The following PRICKLE1 variants were observed in gnomAD, a reference collection of about 807,000 sequenced individuals.
PRICKLE1 encodes prickle-like protein 1.
Under a neutral mutation model 70.2 loss-of-function variants are expected in PRICKLE1, and 14 were observed. The observed-to-expected ratio is 0.20, with a 90% confidence interval of 0.13 to 0.31. PRICKLE1 has a LOEUF of 0.31. Among genes scored for constraint, PRICKLE1 ranks in the 10% least tolerant of loss-of-function variants. PRICKLE1 has a pLI of 1.00. For missense variants in PRICKLE1, 821 were observed against 1,026.2 expected, an observed-to-expected ratio of 0.80 and a Z score of 2.73; for synonymous variants, 357 against 379.9, an observed-to-expected ratio of 0.94 and a Z score of 0.70.
rs556218718 is a variant in PRICKLE1, at chr12:42,485,239, G to GTTTT, written c.-48-12679_-48-12676dup. 3.1e-4 allele frequency: 31 copies of GTTTT among 100,816 alleles called. 2 individuals are homozygous for GTTTT. The highest frequency in any genetic ancestry group is 9.0e-4 in the Admixed American group (7 of 7,802). The allele number at this position is 100,816 out of a possible 1,614,324, so 6.2% of individuals were successfully genotyped here. A position where few individuals can be genotyped will look rare whatever the true frequency, so the allele number is the denominator to read the frequency against. On this transcript the variant is annotated intron_variant, in intron 1 of 7. Transcript: ENST00000345127. ...AGCTACAAAGTAAGGCAGCTGAGAA[G>GTTTT]TTTTTTTTTTTTTTTTTTTTTTTTT...
chr12:42,571,894 T>C (rs897524708), intron 1 of PRICKLE1, among the ~76,000 whole-genome samples: 3 of 152,206 alleles, frequency 2.0e-5, no homozygotes, highest in Admixed American at 2.0e-4. Context: ...CTTTTCCTTT[T>C]ACCCATCAGC....
chr12:42,481,186 T>C (rs1362590855), intron 1 of PRICKLE1, among the ~76,000 whole-genome samples: 1 of 152,114 alleles, frequency 6.6e-6, no homozygotes, highest in Non-Finnish European at 1.5e-5. Flanking sequence ...CAGATACATA[T>C]TGAGGTTGTA....
At chr12:42,465,409 T>G in intron 6 of PRICKLE1, 151 bp from the exon 7 acceptor site, 1 of 729,434 alleles carries the variant, frequency 1.4e-6, no homozygotes, top group South Asian at 1.9e-5. Flanking sequence ...CTTTGTGGAT[T>G]CTGTATTTGT....
At chr12:42,501,241 A>G (rs1939300376) in intron 1 of PRICKLE1, among the ~76,000 whole-genome samples, 1 of 152,192 alleles carries the variant, frequency 6.6e-6, no homozygotes, top group African/African-American at 2.4e-5. Flanking sequence ...GCGGTGGCTC[A>G]TGCTTGTAAT....
At chr12:42,548,359 C>A (rs758190849) in intron 1 of PRICKLE1, among the ~76,000 whole-genome samples, 1 of 152,094 alleles carries the variant, frequency 6.6e-6, no homozygotes, top group African/African-American at 2.4e-5. Context: ...GTAGAAAAAA[C>A]CATCCTATAT....
intron 1 of PRICKLE1, chr12:42,489,646 C>T (rs991211861): frequency 1.4e-4 from 15 of 104,516 alleles, no homozygotes; most frequent in Non-Finnish European, 1.9e-4. Flanking sequence ...GGGATAAGAG[C>T]GAGACTTCTC....
chr12:42,512,879 T>C (rs1289307597), intron 1 of PRICKLE1, among the ~76,000 whole-genome samples: 1 of 152,164 alleles, frequency 6.6e-6, no homozygotes, highest in Non-Finnish European at 1.5e-5. Context: ...AGTCAGGCAT[T>C]GACTTCTCTT....
chr12:42,550,333 A>T (rs1940293030), intron 1 of PRICKLE1: 1 of 152,196 alleles, frequency 6.6e-6, no homozygotes, highest in Admixed American at 6.5e-5. Flanking sequence ...ACCTTATCTT[A>T]AAAGAAAGAA....
intron 1 of PRICKLE1, among the ~76,000 whole-genome samples, chr12:42,498,634 A>G (rs920444092): frequency 5.9e-5 from 9 of 152,230 alleles, no homozygotes; most frequent in Non-Finnish European, 8.8e-5. Context: ...ATTAAAAAAC[A>G]AAATCCCTTC....
intron 1 of PRICKLE1, among the ~76,000 whole-genome samples, chr12:42,486,267 T>C (rs898771687): frequency 6.6e-6 from 1 of 152,240 alleles, no homozygotes; most frequent in Admixed American, 6.5e-5. Context: ...TATTTACATG[T>C]CTATTTGTTT....
intron 6 of PRICKLE1, 120 bp from the exon 7 acceptor site, chr12:42,465,378 C>T: frequency 1.1e-6 from 1 of 894,220 alleles, no homozygotes; most frequent in Non-Finnish European, 1.7e-6. Flanking sequence ...GTGGGTGACA[C>T]AGATATAATT....
chr12:42,541,751 T>C (rs1268592379), intron 1 of PRICKLE1, among the ~76,000 whole-genome samples: 1 of 152,170 alleles, frequency 6.6e-6, no homozygotes, highest in Non-Finnish European at 1.5e-5. Context: ...CCAAAGAGCT[T>C]GTGTATCAGC....
intron 1 of PRICKLE1, among the ~76,000 whole-genome samples, chr12:42,503,834 G>A (rs1939357631): frequency 6.6e-6 from 1 of 152,152 alleles, no homozygotes; most frequent in Non-Finnish European, 1.5e-5. Flanking sequence ...TCACACCTGA[G>A]GTTCCTGTAA....
intron 1 of PRICKLE1, among the ~76,000 whole-genome samples, chr12:42,506,520 G>A (rs1939420222): frequency 6.9e-6 from 1 of 145,958 alleles, no homozygotes; most frequent in Non-Finnish European, 1.5e-5. Flanking sequence ...GCCTCCCAAA[G>A]TGTTGGGATT....
At chr12:42,524,541 A>C (rs1186407070) in intron 1 of PRICKLE1, among the ~76,000 whole-genome samples, 1 of 152,132 alleles carries the variant, frequency 6.6e-6, no homozygotes, top group Non-Finnish European at 1.5e-5. Context: ...CCTCCTGAGT[A>C]GCTGGGATTA....
chr12:42,522,285 T>C (rs1566112129), intron 1 of PRICKLE1, among the ~76,000 whole-genome samples: 1 of 152,132 alleles, frequency 6.6e-6, no homozygotes, highest in East Asian at 1.9e-4. Flanking sequence ...CTTAACTTTT[T>C]TGTAAGAGAC....
At chr12:42,538,794 C>T (rs1940058481) in intron 1 of PRICKLE1, among the ~76,000 whole-genome samples, 1 of 152,060 alleles carries the variant, frequency 6.6e-6, no homozygotes, top group Non-Finnish European at 1.5e-5. Context: ...AGTAAGTTTT[C>T]CTATCTTTAA....
chr12:42,465,002 A>C lies in PRICKLE1; in HGVS notation c.1032T>G (p.Asp344Glu), dbSNP rs1395109384. Residue 344 changes from aspartate (D) to glutamate (E), a missense_variant, in exon 7 of 8, where the codon GAT (aspartate) becomes GAG (glutamate). Physicochemically the swap from Asp to Glu is conservative, Grantham distance 45. Coordinates refer to ENST00000345127, the MANE Select transcript of PRICKLE1 (RefSeq NM_153026.3). The stretch of plus-strand genomic sequence containing the variant: ...ATAAGAGGAGAGACTGTCTACACTG[A>C]TCTGCTGACCGGCTGCTCTTGCCCA... ...VRMGKSSRSA[D>E]QCRQSLLLSP... 1.2e-6 allele frequency: 2 copies of C among 1,609,224 alleles called. No individual in the cohort carries two copies. Among genetic ancestry groups the C allele is most frequent in the Middle Eastern group, 1.7e-4 (1 of 6,034 alleles).
At chr12:42,584,440 A>G (rs950522258) in intron 1 of PRICKLE1, 1 of 152,174 alleles carries the variant, frequency 6.6e-6, no homozygotes, top group African/African-American at 2.4e-5. Flanking sequence ...AAATTCCTTT[A>G]TTAAAAAGTT....
Sources: allele counts gnomAD v4.1 joint callset (sites outside exome capture counted in the v4.1 genomes callset), GRCh38; gene constraint gnomAD v4.1.1; transcripts MANE v1.5; gene names NCBI Gene and HGNC (gene_info 2026-07-23, HGNC 2026-07-21).